The following PLET1 variants were observed in gnomAD, a reference collection of about 807,000 sequenced individuals.
The protein encoded by PLET1 is placenta-expressed transcript 1 protein.
Under a neutral mutation model 18.5 loss-of-function variants are expected in PLET1, and 20 were observed. The ratio of observed to expected loss-of-function variants is 1.08; its 90% CI spans 0.76 to 1.57. The LOEUF (loss-of-function observed/expected upper bound fraction) is 1.57, where lower values mean the gene tolerates loss of function less well. PLET1 is among the 40% of genes most tolerant of loss of function. The pLI is 0.00. For synonymous variants in PLET1, 93 were observed against 93.8 expected (o/e 0.99, Z 0.05); for missense variants, 256 against 246.4 (o/e 1.04, Z -0.26).
At chr11:112,253,460 G>T (rs574071063) in intron 2 of PLET1, among the ~76,000 whole-genome samples, 1 of 152,296 alleles carries the variant, frequency 6.6e-6, no homozygotes, top group African/African-American at 2.4e-5. Flanking sequence ...AGGGAGGCCA[G>T]CGTGTTATCG....
chr11:112,255,439 T>C lies in PLET1; in HGVS notation c.335A>G (p.Glu112Gly). 6.4e-7 allele frequency: 1 copy of C among 1,552,356 alleles called. No individual in the cohort carries two copies. Among genetic ancestry groups the C allele is most frequent in the East Asian group, 2.4e-5 (1 of 40,932 alleles). The part of the protein sequence containing the change: ...YVKDQYMTVL[E>G]AQWQAPEPEN... ...AGGTTCAGGAGCTTGCCACTGTGCC[T>C]CTAAGACCGTCATGTATTGATCTTT... The change falls in exon 2 of 4, where the codon GAG (glutamate) becomes GGG (glycine). Residue 112 changes from glutamate (E) to glycine (G), a missense_variant. Transcript: ENST00000338832.
chr11:112,254,526 ATGTG>A (rs1343368624), intron 2 of PLET1, among the ~76,000 whole-genome samples: 1 of 85,666 alleles, frequency 1.2e-5, no homozygotes, highest in South Asian at 4.3e-4. Context: ...TGTGGTATGT[ATGTG>A]TGTGGTATGT....
intron 3 of PLET1, 99 bp from the exon 4 acceptor site, chr11:112,249,073 G>A: frequency 9.3e-7 from 1 of 1,073,612 alleles, no homozygotes; most frequent in South Asian, 1.6e-5. Context: ...TAATCTGATG[G>A]AATGCTAGAG....
At chr11:112,258,060 G>A (rs1860243233) in intron 1 of PLET1, among the ~76,000 whole-genome samples, 1 of 152,108 alleles carries the variant, frequency 6.6e-6, no homozygotes, top group Non-Finnish European at 1.5e-5. Context: ...AATGGAATTG[G>A]ATAAAGTTTG....
At chr11:112,257,029 A>G (rs1860231314) in intron 1 of PLET1, among the ~76,000 whole-genome samples, 1 of 152,250 alleles carries the variant, frequency 6.6e-6, no homozygotes, top group Non-Finnish European at 1.5e-5. Flanking sequence ...CAACAGGTCC[A>G]TCAGAACACA....
rs1412079750 is a variant in PLET1 at position 112,248,624 on chromosome 11, A to C, written c.*175T>G. The C allele has an allele frequency of 3.0e-6, 2 of 663,394 alleles. No individual in the cohort carries two copies. The highest frequency in any genetic ancestry group is 3.0e-5 in the Admixed American group (1 of 33,676). 41.1% of individuals were successfully genotyped at this position (663,394 alleles called of 1,614,324 possible). On this transcript the variant is annotated 3_prime_UTR_variant, in exon 4 of 4. Coordinates refer to ENST00000338832, the MANE Select transcript of PLET1 (RefSeq NM_001145024.1). ...ATCCAGATGAACATCTATGTGACCC[A>C]AGCCTGCCAATGAGTGCCTCCAGAT...
chr11:112,252,992 C>T (rs1860171293), intron 2 of PLET1, among the ~76,000 whole-genome samples: 1 of 152,184 alleles, frequency 6.6e-6, no homozygotes, highest in Non-Finnish European at 1.5e-5. Flanking sequence ...AATGAAAGGA[C>T]ACCTCATTTC....
chr11:112,254,634 G>A (rs111211405), intron 2 of PLET1, among the ~76,000 whole-genome samples: 55 of 69,366 alleles, frequency 7.9e-4, no homozygotes, highest in African/African-American at 2.1e-3. Flanking sequence ...GTATGAGTGT[G>A]TGTGGTGTGT....
chr11:112,258,873 G>GGAAGATA (rs1860255315), intron 1 of PLET1, among the ~76,000 whole-genome samples: 1 of 152,184 alleles, frequency 6.6e-6, no homozygotes, highest in Non-Finnish European at 1.5e-5. Context: ...TAAGCAAGGT[G>GGAAGATA]AGCGCGTGAA....
chr11:112,248,193 G>T lies in PLET1; in HGVS notation c.*606C>A, dbSNP rs1403494735. Among the ~76,000 whole-genome samples the T allele has an allele frequency of 6.6e-6, 1 of 152,142 alleles. No individual in the cohort carries two copies. Among genetic ancestry groups the T allele is most frequent in the Non-Finnish European group, 1.5e-5 (1 of 68,022 alleles). On this transcript the variant is annotated 3_prime_UTR_variant, in exon 4 of 4. Transcript: ENST00000338832. ...TTGTTTAAAGTATAATTTATTTGTT[G>T]TGACAAAAATGTTTTTATAACATAG...
intron 2 of PLET1, among the ~76,000 whole-genome samples, chr11:112,252,902 T>C (rs1860170487): frequency 6.6e-6 from 1 of 152,214 alleles, no homozygotes; most frequent in Admixed American, 6.5e-5. Flanking sequence ...GCTTTATGTT[T>C]GCACTGGTAC....
intron 1 of PLET1, 101 bp downstream of exon 1, chr11:112,260,305 G>A: frequency 1.7e-6 from 2 of 1,184,512 alleles, no homozygotes; most frequent in Non-Finnish European, 2.3e-6. Context: ...GAAGACACAT[G>A]TTTTGTATAA....
chr11:112,256,927 C>T lies in PLET1; in HGVS notation c.185-1338G>A, dbSNP rs141876046. On this transcript the variant is annotated intron_variant, in intron 1 of 3. Coordinates refer to ENST00000338832, the MANE Select transcript of PLET1 (RefSeq NM_001145024.1). ...TGGTTTAAATCCTCTTTCTTCCTTCCTAGGCACCTATATTTTCTGGATTTC... is the reference window on the plus strand; with the variant it reads ...TGGTTTAAATCCTCTTTCTTCCTTCTTAGGCACCTATATTTTCTGGATTTC... Among the ~76,000 whole-genome samples, 909 of 152,326 alleles carry T rather than the reference C, an allele frequency of 6.0e-3. 4 individuals are homozygous for T. The highest frequency in any genetic ancestry group is 0.011 in the South Asian group (51 of 4,832).
At chr11:112,256,240 TA>T (rs1860223102) in intron 1 of PLET1, among the ~76,000 whole-genome samples, 1 of 152,198 alleles carries the variant, frequency 6.6e-6, no homozygotes. Context: ...AGAGGGCATT[TA>T]AAGAAAATAT....
At chr11:112,257,372 C>CTTT (rs5794786) in intron 1 of PLET1, among the ~76,000 whole-genome samples, 1 of 145,604 alleles carries the variant, frequency 6.9e-6, no homozygotes, top group African/African-American at 2.5e-5. Flanking sequence ...ACTCTCGTTC[C>CTTT]TTTTTTTTTT....
Position 112,248,976 on chromosome 11 carries a change from T to TAA in PLET1, c.449-3_449-2insTT. On this transcript the variant is annotated splice_polypyrimidine_tract_variant and splice_region_variant and intron_variant, in intron 3 of 3. Transcript: ENST00000338832. ...TGGCAGCTAAGGCTAAGGTTGACAC[T>TAA]GGAAAGGTGGTTGAGGGTGCGGTTG... 7 of 1,549,894 alleles carry TAA rather than the reference T, an allele frequency of 4.5e-6. No individual in the cohort carries two copies. The highest frequency in any genetic ancestry group is 6.1e-6 in the Non-Finnish European group (7 of 1,146,816).
At chr11:112,249,527 C>G (rs377307150) in intron 3 of PLET1, among the ~76,000 whole-genome samples, 111 of 152,248 alleles carry the variant, frequency 7.3e-4, no homozygotes, top group African/African-American at 2.5e-3. Context: ...ATGAAGGGAC[C>G]TGATCACACA....
intron 2 of PLET1, among the ~76,000 whole-genome samples, chr11:112,252,743 G>C (rs563008643): frequency 2.0e-5 from 3 of 152,208 alleles, no homozygotes; most frequent in South Asian, 2.1e-4. Flanking sequence ...TAGACTCAAT[G>C]GTAACCTCTA....
At position 112,255,549 on chromosome 11, in the gene PLET1, C is replaced by T. The variant is rs1860216795; in HGVS notation, c.225G>A (p.Met75Ile). ...AGTCACTGTTCTCGTCCAAGGTTTT[C>T]ATGACCACAGCATAGACGCTGTCAT... ...PVNDSVYAVVMKTLDENSDSA... is the reference protein window; with the variant it reads ...PVNDSVYAVVIKTLDENSDSA... Residue 75 changes from methionine to isoleucine, a missense_variant, in exon 2 of 4, where the codon ATG becomes ATA. By Grantham distance (10) the Met-to-Ile change is conservative (BLOSUM62 1). Transcript: ENST00000338832. 1.3e-6 allele frequency: 2 copies of T among 1,551,496 alleles called. No individual in the cohort carries two copies. The highest frequency in any genetic ancestry group is 1.7e-6 in the Non-Finnish European group (2 of 1,146,830).
Sources: gnomAD v4.1 joint callset for allele counts (sites outside exome capture counted in the v4.1 genomes callset) on GRCh38, gnomAD v4.1.1 for gene constraint, MANE v1.5 for transcripts, NCBI Gene and HGNC (gene_info 2026-07-23, HGNC 2026-07-21) for gene names.